GRAMD1B: variants seen among roughly 807,000 people sequenced by gnomAD.
GRAMD1B encodes the protein GRAM domain containing 1B, also known as protein Aster-B.
A neutral mutation model predicts 99.7 loss-of-function variants in GRAMD1B; 37 were observed. The observed-to-expected ratio is 0.37, with a 90% CI of 0.29 to 0.49. GRAMD1B has a LOEUF of 0.49. Ranked by LOEUF, GRAMD1B falls within the 20% of genes least tolerant of loss-of-function variation. The pLI, the probability that GRAMD1B is intolerant of heterozygous loss-of-function variation, is 0.98. For synonymous variants in GRAMD1B, 427 were observed against 387.6 expected, an observed-to-expected ratio of 1.10 and a Z score of -1.19; for missense variants, 888 against 1,009.2, an observed-to-expected ratio of 0.88 and a Z score of 1.63.
At chr11:123,611,534 C>T (rs1426811807) in intron 14 of GRAMD1B, among the ~76,000 whole-genome samples, 2 of 152,160 alleles carry the variant, frequency 1.3e-5, no homozygotes, top group African/African-American at 4.8e-5. Flanking sequence ...TTCAGCCTTG[C>T]TCCTCTTCCT....
At chr11:123,463,066 T>C (rs1407531017) in intron 1 of GRAMD1B, among the ~76,000 whole-genome samples, 1 of 152,220 alleles carries the variant, frequency 6.6e-6, no homozygotes, top group Non-Finnish European at 1.5e-5. Context: ...TGGAGTGCGA[T>C]GGCGCGATCT....
At chr11:123,576,388 TGGC>T (rs1043319445) in intron 2 of GRAMD1B, among the ~76,000 whole-genome samples, 2 of 152,360 alleles carry the variant, frequency 1.3e-5, no homozygotes, top group Middle Eastern at 3.4e-3. Context: ...CCATTTCTGC[TGGC>T]ACTTTCTACT....
chr11:123,603,533 C>G lies in GRAMD1B; in HGVS notation c.1158C>G (p.Asn386Lys), dbSNP rs759793942. 1 of 1,605,948 alleles carries G rather than the reference C, an allele frequency of 6.2e-7. No homozygotes were observed. Among genetic ancestry groups the G allele is most frequent in the South Asian group, 1.1e-5 (1 of 90,940 alleles). Residue 386 changes from asparagine to lysine, a missense_variant, in exon 9 of 20, where the codon AAC becomes AAG. Coordinates refer to ENST00000635736, the MANE Select transcript of GRAMD1B (RefSeq NM_001387025.1). ...ACGTGCCCCCTGACGACGACTTCAA[C>G]ACAATGGGGTGAGTGAGGCCAAGGG... is the stretch of plus-strand genomic sequence containing the variant. ...EDYVPPDDDF[N>K]TMGYCEEIPV...
intron 15 of GRAMD1B, 91 bp from the exon 16 acceptor site, chr11:123,613,364 T>C: frequency 1.0e-6 from 1 of 992,636 alleles, no homozygotes; most frequent in African/African-American, 1.6e-5. Context: ...CCAACCAACT[T>C]CCCAGAATAC....
chr11:123,365,261 T>A (rs553956202), intron 1 of GRAMD1B, among the ~76,000 whole-genome samples: 12 of 69,482 alleles, frequency 1.7e-4, no homozygotes, highest in Non-Finnish European at 2.3e-4. Flanking sequence ...TCTTTTCTTC[T>A]TTTTTTTTTT....
At chr11:123,468,530 A>G (rs1022418046) in intron 1 of GRAMD1B, among the ~76,000 whole-genome samples, 28 of 152,140 alleles carry the variant, frequency 1.8e-4, no homozygotes, top group Admixed American at 6.5e-5. Flanking sequence ...GCGGTAGCTC[A>G]CGCCTGTAAT....
upstream of GRAMD1B, among the ~76,000 whole-genome samples, chr11:123,427,905 A>C (rs1849065753): frequency 6.6e-6 from 1 of 152,198 alleles, no homozygotes. Flanking sequence ...TGTGAGTGGG[A>C]AAAGTGGCTG....
rs1445061654 is a variant in GRAMD1B at position 123,605,317 on chromosome 11, C to T, written c.1167-5C>T. On this transcript the variant is annotated splice_polypyrimidine_tract_variant and splice_region_variant and intron_variant, in intron 9 of 19. Transcript: ENST00000635736. ...TAATGTGGACTCACTGGTGTCTCCT[C>T]TCAGATACTGTGAAGAGATCCCTGT... 8 of 1,602,400 alleles carry T rather than the reference C, an allele frequency of 5.0e-6. No individual in the cohort carries two copies. The highest frequency in any genetic ancestry group is 6.0e-6 in the Non-Finnish European group (7 of 1,173,370).
intron 1 of GRAMD1B, among the ~76,000 whole-genome samples, chr11:123,386,264 A>G (rs1320643426): frequency 1.3e-5 from 2 of 151,882 alleles, no homozygotes; most frequent in Non-Finnish European, 2.9e-5. Context: ...ATTTCTAAAG[A>G]TTTAGGGGCT....
chr11:123,446,406 T>A (rs986518199), intron 1 of GRAMD1B, among the ~76,000 whole-genome samples: 6 of 152,102 alleles, frequency 3.9e-5, no homozygotes, highest in Non-Finnish European at 5.9e-5. Flanking sequence ...CCTCGAGTGA[T>A]CCACCCGCCT....
intron 2 of GRAMD1B, among the ~76,000 whole-genome samples, chr11:123,519,901 G>A (rs78762184): frequency 0.03 from 4,621 of 152,312 alleles, 248 homozygotes; most frequent in African/African-American, 0.11. Flanking sequence ...ACTCAGTGGC[G>A]GAAGCCTGAG....
At chr11:123,519,407 G>A (rs1179381290) in intron 2 of GRAMD1B, among the ~76,000 whole-genome samples, 3 of 152,220 alleles carry the variant, frequency 2.0e-5, no homozygotes, top group East Asian at 1.9e-4. Context: ...GTTTGGAAGC[G>A]GATTTTGGCT....
intron 1 of GRAMD1B, among the ~76,000 whole-genome samples, chr11:123,416,362 A>G (rs1948233214): frequency 1.3e-5 from 2 of 152,208 alleles, no homozygotes; most frequent in Non-Finnish European, 2.9e-5. Context: ...TCCTTTAGAA[A>G]AGGCAAGTAC....
intron 17 of GRAMD1B, among the ~76,000 whole-genome samples, chr11:123,617,537 T>C (rs2137089145): frequency 6.6e-6 from 1 of 152,238 alleles, no homozygotes; most frequent in East Asian, 1.9e-4. Context: ...TGTCTACCTC[T>C]CCCCCATTAA....
At chr11:123,469,723 CT>C (rs901354333) in intron 1 of GRAMD1B, among the ~76,000 whole-genome samples, 107 of 149,366 alleles carry the variant, frequency 7.2e-4, no homozygotes, top group African/African-American at 2.3e-3. Context: ...TTCTTTCTTT[CT>C]TTTTTTCTTT....
At chr11:123,422,386 A>G (rs1948475006) in intron 1 of GRAMD1B, among the ~76,000 whole-genome samples, 1 of 152,238 alleles carries the variant, frequency 6.6e-6, no homozygotes, top group African/African-American at 2.4e-5. Context: ...CTCAAGGTAC[A>G]GTAGGAATGG....
intron 17 of GRAMD1B, chr11:123,618,427 G>A (rs1044962420): frequency 1.4e-6 from 2 of 1,436,304 alleles, no homozygotes; most frequent in Non-Finnish European, 2.0e-6. Flanking sequence ...CTTCCCCCAG[G>A]TGCCCAGGTT....
intron 2 of GRAMD1B, among the ~76,000 whole-genome samples, chr11:123,495,021 G>A (rs1939069393): frequency 6.6e-6 from 1 of 151,968 alleles, no homozygotes; most frequent in South Asian, 2.1e-4. Context: ...TCTAGGTATT[G>A]AGGAAGTCAT....
intron 1 of GRAMD1B, among the ~76,000 whole-genome samples, chr11:123,414,654 A>G (rs555026512): frequency 3.5e-4 from 54 of 152,122 alleles, no homozygotes; most frequent in African/African-American, 1.3e-3. Context: ...TTACTTAATC[A>G]TTATGTCCAT....
Sources: gnomAD v4.1 joint callset for allele counts (sites outside exome capture counted in the v4.1 genomes callset) on GRCh38, gnomAD v4.1.1 for gene constraint, MANE v1.5 for transcripts, NCBI Gene and HGNC (gene_info 2026-07-23, HGNC 2026-07-21) for gene names.